PALM2AKAP2: variants seen among roughly 807,000 people sequenced by gnomAD.
PALM2AKAP2 encodes the protein PALM2-AKAP2 fusion protein.
PALM2AKAP2 carries 37 observed loss-of-function variants against 71.5 expected under a neutral mutation model. That is an observed-to-expected ratio of 0.52 (90% CI 0.40 to 0.68). The LOEUF (loss-of-function observed/expected upper bound fraction) is 0.68, where lower values mean the gene tolerates loss of function less well. PALM2AKAP2 is among the 30% of genes least tolerant of loss of function. The pLI, the probability that PALM2AKAP2 is intolerant of heterozygous loss-of-function variation, is 0.00. For missense variants in PALM2AKAP2, 1,224 were observed against 1,191.8 expected (o/e 1.03, Z -0.40); for synonymous variants, 468 against 478.8 (o/e 0.98, Z 0.29).
At chr9:109,894,034 AAAAAAAAAAAAG>A (rs1746314913) in intron 3 of PALM2AKAP2, among the ~76,000 whole-genome samples, 2 of 151,614 alleles carry the variant, frequency 1.3e-5, no homozygotes, top group South Asian at 4.2e-4. Flanking sequence ...TAAAAAAAAA[AAAAAAAAAAAAG>A]AAGCATCTGG....
chr9:109,810,513 G>A (rs1827701797), intron 1 of PALM2AKAP2, among the ~76,000 whole-genome samples: 1 of 152,192 alleles, frequency 6.6e-6, no homozygotes, highest in Non-Finnish European at 1.5e-5. Flanking sequence ...GTAGCAAGGA[G>A]GTTACTGGTG....
At chr9:109,952,222 C>T (rs1831658265) in intron 6 of PALM2AKAP2, among the ~76,000 whole-genome samples, 1 of 152,158 alleles carries the variant, frequency 6.6e-6, no homozygotes, top group Non-Finnish European at 1.5e-5. Context: ...AATGCTGGGT[C>T]CGATTTGGCC....
At chr9:109,800,835 G>A (rs542769196) in intron 1 of PALM2AKAP2, among the ~76,000 whole-genome samples, 1 of 152,182 alleles carries the variant, frequency 6.6e-6, no homozygotes, top group Non-Finnish European at 1.5e-5. Context: ...TATAGTCACT[G>A]GAAACTCTGC....
Position 109,880,701 on chromosome 9 carries a change from G to T in PALM2AKAP2, c.257+20G>T, listed in dbSNP as rs753063513. On this transcript the variant is annotated intron_variant, in intron 3 of 9. Coordinates refer to the PALM2AKAP2 transcript ENST00000302798. The stretch of plus-strand genomic sequence containing the variant: ...TCAGAGGTAGGTGGCTTCCAGCCCA[G>T]GGAACCCATGCTACAGTTTTTCAGT... 3 of 1,612,040 alleles carry T rather than the reference G, an allele frequency of 1.9e-6. No individual in the cohort carries two copies. In the East Asian group the frequency reaches 6.7e-5, roughly 36 times the overall value.
At chr9:110,088,704 T>G (rs1297372838) in intron 1 of PALM2AKAP2, among the ~76,000 whole-genome samples, 3 of 12,812 alleles carry the variant, frequency 2.3e-4, no homozygotes, top group African/African-American at 3.7e-4. Context: ...CATTTACGTG[T>G]TTTTTTTTTT....
At chr9:110,118,172 T>A (rs1487975305) in intron 1 of PALM2AKAP2, among the ~76,000 whole-genome samples, 1 of 145,032 alleles carries the variant, frequency 6.9e-6, no homozygotes, top group East Asian at 2.0e-4. Flanking sequence ...GGAATATATA[T>A]TATATATATA....
At chr9:110,156,353 C>T (rs768977921) in exon 3 of PALM2AKAP2, 3 of 1,605,220 alleles carry the variant, frequency 1.9e-6, no homozygotes, top group Admixed American at 3.4e-5. Flanking sequence ...CTCCATCCCC[C>T]ACCACTGAAG....
intron 1 of PALM2AKAP2, among the ~76,000 whole-genome samples, chr9:109,768,039 G>GT (rs1564140550): frequency 8.4e-6 from 1 of 118,916 alleles, no homozygotes; most frequent in African/African-American, 4.0e-5. Flanking sequence ...GAAAGAAAAA[G>GT]AGGGAAGGAA....
intron 1 of PALM2AKAP2, among the ~76,000 whole-genome samples, chr9:109,698,878 GA>G (rs1828012691): frequency 6.6e-6 from 1 of 152,192 alleles, no homozygotes; most frequent in African/African-American, 2.4e-5. Flanking sequence ...TTACTTTTGA[GA>G]GTCAGAGAGT....
intron 1 of PALM2AKAP2, among the ~76,000 whole-genome samples, chr9:109,661,778 T>C (rs984146198): frequency 1.3e-5 from 2 of 152,200 alleles, no homozygotes; most frequent in African/African-American, 2.4e-5. Context: ...TTTCAAGATA[T>C]TGATTTTTCC....
chr9:109,808,690 G>A (rs1587926342), intron 1 of PALM2AKAP2, among the ~76,000 whole-genome samples: 1 of 152,184 alleles, frequency 6.6e-6, no homozygotes, highest in Admixed American at 6.5e-5. Context: ...AAAGCCAAAT[G>A]TTAATCACCA....
chr9:109,790,608 A>C (rs927360190), intron 1 of PALM2AKAP2, among the ~76,000 whole-genome samples: 11 of 152,300 alleles, frequency 7.2e-5, no homozygotes, highest in African/African-American at 2.4e-4. Context: ...TGCATGTCAC[A>C]TGAGAAAGAG....
intron 1 of PALM2AKAP2, among the ~76,000 whole-genome samples, chr9:109,857,336 A>C (rs1275184884): frequency 6.6e-6 from 1 of 152,230 alleles, no homozygotes; most frequent in Non-Finnish European, 1.5e-5. Context: ...TCATTAGACT[A>C]TTCGATTTCT....
At chr9:109,653,338 T>C (rs1827251822) in intron 1 of PALM2AKAP2, among the ~76,000 whole-genome samples, 1 of 152,198 alleles carries the variant, frequency 6.6e-6, no homozygotes, top group African/African-American at 2.4e-5. Context: ...CCTTTGTAGA[T>C]ACTTGGTTTT....
chr9:110,133,318 C>A lies in PALM2AKAP2; in HGVS notation c.157-2809C>A, dbSNP rs117530755. On this transcript the variant is annotated intron_variant, in intron 1 of 3. Coordinates refer to ENST00000374525, the Ensembl canonical transcript of PALM2AKAP2. Reference sequence around the variant, plus strand: ...ATTAGCAACAAGAGACAAAGAGAAGCAATTTCTTCACTTGCCTGATTCAGA... The same window carrying A: ...ATTAGCAACAAGAGACAAAGAGAAGAAATTTCTTCACTTGCCTGATTCAGA... 1.5e-3 allele frequency among the ~76,000 whole-genome samples: 231 copies of A among 152,280 alleles called. 1 individual carries two copies. In the Middle Eastern group the frequency reaches 0.017, roughly 11 times the overall value.
At chr9:109,797,287 A>G (rs754330226) in intron 1 of PALM2AKAP2, among the ~76,000 whole-genome samples, 13 of 152,198 alleles carry the variant, frequency 8.5e-5, no homozygotes, top group Non-Finnish European at 1.5e-4. Flanking sequence ...TTCAGAGGAG[A>G]GAGGGAGGTT....
chr9:110,142,709 C>T (rs1417050185), intron 2 of PALM2AKAP2, among the ~76,000 whole-genome samples: 21 of 152,038 alleles, frequency 1.4e-4, no homozygotes, highest in Admixed American at 1.4e-3. Flanking sequence ...CTAAGAGAGG[C>T]TCAAAAGGAA....
chr9:110,058,759 T>G (rs1347549990), intron 1 of PALM2AKAP2, among the ~76,000 whole-genome samples: 1 of 152,128 alleles, frequency 6.6e-6, no homozygotes, highest in Non-Finnish European at 1.5e-5. Flanking sequence ...CCAGAACATC[T>G]GAAAAGATCT....
At chr9:109,720,566 G>T (rs537128586) in intron 1 of PALM2AKAP2, among the ~76,000 whole-genome samples, 3 of 152,298 alleles carry the variant, frequency 2.0e-5, no homozygotes, top group Non-Finnish European at 4.4e-5. Flanking sequence ...AAAATGAGAA[G>T]AAGCCAAGGA....
Sources: allele counts gnomAD v4.1 joint callset (sites outside exome capture counted in the v4.1 genomes callset), GRCh38; gene constraint gnomAD v4.1.1; transcripts MANE v1.5; gene names NCBI Gene and HGNC (gene_info 2026-07-23, HGNC 2026-07-21).